Variants in TAFA2 observed in about 807,000 individuals in gnomAD.
The protein encoded by TAFA2 is TAFA chemokine like family member 2.
TAFA2 carries 7 observed loss-of-function variants against 18.8 expected under a neutral mutation model. The observed-to-expected ratio is 0.37, with a 90% CI of 0.21 to 0.70. The LOEUF is 0.70. Ranked by LOEUF, TAFA2 falls within the 30% of genes least tolerant of loss-of-function variation. The pLI is 0.53. For missense variants in TAFA2, 122 were observed against 158.1 expected, an observed-to-expected ratio of 0.77 and a Z score of 1.23; for synonymous variants, 60 against 54.2, an observed-to-expected ratio of 1.11 and a Z score of -0.47.
At chr12:61,767,560 A>G (rs1188992202) in intron 2 of TAFA2, among the ~76,000 whole-genome samples, 1 of 152,132 alleles carries the variant, frequency 6.6e-6, no homozygotes, top group East Asian at 1.9e-4. Context: ...TTATTTAAGA[A>G]TGAACAAAAT....
In TAFA2 at chr12:62,176,489, C is replaced by T. The variant is rs1185458192; in HGVS notation, c.-2+14770G>A. 6.6e-5 allele frequency among the ~76,000 whole-genome samples: 10 copies of T among 152,158 alleles called. No individual in the cohort carries two copies. In the East Asian group the frequency reaches 1.9e-3, roughly 29 times the overall value. The stretch of plus-strand genomic sequence containing the variant: ...AGGTAAATGTAATCGTACATTTTGG[C>T]CTGAGTTTAAATTCCAGAAAAAGAC... On this transcript the variant is annotated intron_variant, in intron 1 of 4. Transcript: ENST00000416284.
At chr12:61,911,831 G>A (rs1242870207) in intron 1 of TAFA2, among the ~76,000 whole-genome samples, 1 of 152,034 alleles carries the variant, frequency 6.6e-6, no homozygotes, top group East Asian at 1.9e-4. Flanking sequence ...AAGAATCAAG[G>A]GTCAGATGAA....
intron 2 of TAFA2, among the ~76,000 whole-genome samples, chr12:61,763,441 A>G (rs1484988380): frequency 6.6e-6 from 1 of 152,042 alleles, no homozygotes; most frequent in Non-Finnish European, 1.5e-5. Context: ...GATAATGCTT[A>G]GATTCTTTGC....
intron 1 of TAFA2, among the ~76,000 whole-genome samples, chr12:62,020,989 G>T (rs1881111035): frequency 6.6e-6 from 1 of 152,064 alleles, no homozygotes; most frequent in Non-Finnish European, 1.5e-5. Context: ...TTTGCCTATT[G>T]TCCATGGCTG....
intron 1 of TAFA2, among the ~76,000 whole-genome samples, chr12:62,087,257 A>G (rs748395197): frequency 9.9e-5 from 15 of 152,150 alleles, no homozygotes; most frequent in Admixed American, 3.3e-4. Flanking sequence ...TATACTTAAT[A>G]CCATTGAACT....
At position 62,077,836 on chromosome 12, in the gene TAFA2, A is replaced by T. The variant is rs186036295; in HGVS notation, c.-2+113423T>A. 6.6e-5 allele frequency among the ~76,000 whole-genome samples: 10 copies of T among 151,954 alleles called. No individual in the cohort carries two copies. The East Asian group carries it at 1.4e-3, about 21-fold the overall frequency. ...ACCAAAATCCACATCTTCAACACAAACCCCATTCTAAGCTCTCAAGCCTTA... is the reference window on the plus strand; with the variant it reads ...ACCAAAATCCACATCTTCAACACAATCCCCATTCTAAGCTCTCAAGCCTTA... On this transcript the variant is annotated intron_variant, in intron 1 of 4. Coordinates refer to ENST00000416284, the MANE Select transcript of TAFA2 (RefSeq NM_178539.5).
At chr12:61,776,116 A>G (rs533688414) in intron 2 of TAFA2, 13 of 431,428 alleles carry the variant, frequency 3.0e-5, no homozygotes, top group Non-Finnish European at 5.0e-5. Context: ...AGAGTCTACA[A>G]TGTTACCTAG....
rs1334562164 is a variant in TAFA2 at position 62,178,369 on chromosome 12, C to G, written c.-2+12890G>C. On this transcript the variant is annotated intron_variant, in intron 1 of 4. Transcript: ENST00000416284. The stretch of plus-strand genomic sequence containing the variant: ...AAATTCTGTCAGGAGTATAAAAGGT[C>G]ACCGTTTATGTTATAATTTTTCTTA... Among the ~76,000 whole-genome samples the G allele has an allele frequency of 6.6e-5, 10 of 152,248 alleles. No individual in the cohort carries two copies. In the East Asian group the frequency reaches 9.7e-4, roughly 15 times the overall value.
chr12:61,971,742 A>G (rs986154541), intron 1 of TAFA2, among the ~76,000 whole-genome samples: 2 of 151,028 alleles, frequency 1.3e-5, no homozygotes, highest in African/African-American at 4.9e-5. Context: ...GGGCTGGGGG[A>G]GGGATAGTGT....
At position 62,210,428 on chromosome 12, in the gene TAFA2, T is replaced by C. The variant is rs552213691; in HGVS notation, c.-130+48335A>G. On this transcript the variant is annotated intron_variant, in intron 1 of 5. Coordinates refer to the TAFA2 transcript ENST00000551619. ...TTTTTTGCCCACTTTTAATATGATA[T>C]AGGATTATTTCCTTCATTCAACATT... Among the ~76,000 whole-genome samples the C allele has an allele frequency of 3.9e-5, 6 of 152,318 alleles. No individual in the cohort carries two copies. The South Asian group carries it at 1.2e-3, about 32-fold the overall frequency.
rs140272517 is a variant in TAFA2, at chr12:61,888,862, A to C, written c.-1-21436T>G. ...TTCTGCTCTAGTATAAACATATATT[A>C]GTTTATTTCATGGTAAATTTCAGAG... On this transcript the variant is annotated intron_variant, in intron 1 of 4. Coordinates refer to ENST00000416284, the MANE Select transcript of TAFA2 (RefSeq NM_178539.5). Among the ~76,000 whole-genome samples the C allele has an allele frequency of 2.4e-3, 359 of 152,334 alleles. 3 individuals are homozygous for C. The highest frequency in any genetic ancestry group is 0.016 in the South Asian group (79 of 4,828).
At chr12:61,792,576 A>G (rs1161448871) in intron 2 of TAFA2, among the ~76,000 whole-genome samples, 1 of 151,760 alleles carries the variant, frequency 6.6e-6, no homozygotes, top group Middle Eastern at 3.4e-3. Context: ...AGACACAAAT[A>G]GGTTAAAATG....
intron 2 of TAFA2, among the ~76,000 whole-genome samples, chr12:61,781,014 A>T (rs1398038541): frequency 6.6e-6 from 1 of 151,630 alleles, no homozygotes; most frequent in Non-Finnish European, 1.5e-5. Flanking sequence ...CTCCCATCTA[A>T]CTATCTAAAA....
chr12:61,843,178 A>C (rs1212624150), intron 2 of TAFA2, among the ~76,000 whole-genome samples: 2 of 152,098 alleles, frequency 1.3e-5, no homozygotes, highest in Admixed American at 1.3e-4. Context: ...AAAGAGGGCA[A>C]TCATGAAAAG....
intron 4 of TAFA2, among the ~76,000 whole-genome samples, chr12:61,730,208 T>C (rs927437221): frequency 4.6e-5 from 7 of 152,118 alleles, no homozygotes; most frequent in Non-Finnish European, 7.4e-5. Context: ...CTGATTATGC[T>C]AGCAGTGAAG....
At chr12:61,714,915 G>A (rs12307730) in intron 4 of TAFA2, among the ~76,000 whole-genome samples, 1,790 of 152,308 alleles carry the variant, frequency 0.012, 34 homozygotes, top group African/African-American at 0.04. Context: ...CTCAGGCTTT[G>A]TTCGGCAGAC....
intron 1 of TAFA2, among the ~76,000 whole-genome samples, chr12:61,912,060 A>C (rs1373889998): frequency 1.3e-5 from 2 of 152,186 alleles, no homozygotes; most frequent in Non-Finnish European, 2.9e-5. Flanking sequence ...TGTGCTAAGC[A>C]CTTTACATGT....
intron 1 of TAFA2, among the ~76,000 whole-genome samples, chr12:62,177,609 T>C (rs1178394187): frequency 3.3e-5 from 5 of 152,160 alleles, no homozygotes; most frequent in Non-Finnish European, 5.9e-5. Flanking sequence ...AAATTTACCA[T>C]TACTCACATT....
At chr12:62,185,380 A>G (rs2062579001) in intron 1 of TAFA2, among the ~76,000 whole-genome samples, 1 of 152,140 alleles carries the variant, frequency 6.6e-6, no homozygotes, top group Non-Finnish European at 1.5e-5. Flanking sequence ...CTACACTGTG[A>G]AAAAGAACTA....
Sources: gnomAD v4.1 joint callset for allele counts (sites outside exome capture counted in the v4.1 genomes callset) on GRCh38, gnomAD v4.1.1 for gene constraint, MANE v1.5 for transcripts, NCBI Gene and HGNC (gene_info 2026-07-23, HGNC 2026-07-21) for gene names.